Variants in DSCAM observed in about 807,000 individuals in gnomAD.
DSCAM encodes DS cell adhesion molecule.
DSCAM carries 47 observed loss-of-function variants against 217.7 expected under a neutral mutation model. That is an observed-to-expected ratio of 0.22 (90% CI 0.17 to 0.28). DSCAM has a LOEUF of 0.28. DSCAM is among the 10% of genes least tolerant of loss of function. DSCAM has a pLI of 1.00. For missense variants in DSCAM, 2,080 were observed against 2,618.3 expected (o/e 0.79, Z 4.49); for synonymous variants, 1,056 against 1,015.3 (o/e 1.04, Z -0.76).
At chr21:40,052,923 A>G (rs760409998) in intron 29 of DSCAM, among the ~76,000 whole-genome samples, 11 of 152,216 alleles carry the variant, frequency 7.2e-5, no homozygotes, top group Non-Finnish European at 1.5e-4. Flanking sequence ...CTACCTTGTG[A>G]TATGTTTCAT....
At chr21:40,357,659 A>C (rs2074709415) in intron 4 of DSCAM, among the ~76,000 whole-genome samples, 1 of 152,112 alleles carries the variant, frequency 6.6e-6, no homozygotes, top group Non-Finnish European at 1.5e-5. Context: ...TTTAATTAAG[A>C]AATGTGAGAA....
chr21:40,577,483 G>A (rs60986329), intron 3 of DSCAM, among the ~76,000 whole-genome samples: 4,109 of 152,194 alleles, frequency 0.027, 161 homozygotes, highest in African/African-American at 0.094. Flanking sequence ...CTGTCCTTCC[G>A]GGGGAGCCCG....
intron 1 of DSCAM, among the ~76,000 whole-genome samples, chr21:40,818,019 C>T (rs985595885): frequency 2.1e-5 from 3 of 141,558 alleles, no homozygotes; most frequent in South Asian, 2.3e-4. Flanking sequence ...TGGCGTGAAC[C>T]CGGGAGGCGG....
chr21:40,286,805 T>TGTG (rs1181400129), intron 10 of DSCAM, among the ~76,000 whole-genome samples: 1 of 141,314 alleles, frequency 7.1e-6, no homozygotes, highest in African/African-American at 2.8e-5. Context: ...GATCTGCAGG[T>TGTG]ATCTGCAGTG....
chr21:40,018,242 C>G (rs1221025255), intron 32 of DSCAM, among the ~76,000 whole-genome samples: 2 of 152,084 alleles, frequency 1.3e-5, no homozygotes, highest in African/African-American at 4.8e-5. Context: ...CCTTAATTGA[C>G]CAGTCTTGCG....
chr21:40,750,117 G>A (rs1488223745), intron 1 of DSCAM, among the ~76,000 whole-genome samples: 1 of 151,950 alleles, frequency 6.6e-6, no homozygotes, highest in Non-Finnish European at 1.5e-5. Context: ...TAGCAGAGAT[G>A]GAGTTTCACC....
intron 3 of DSCAM, among the ~76,000 whole-genome samples, chr21:40,588,141 A>G (rs550394746): frequency 7.2e-5 from 11 of 152,312 alleles, no homozygotes; most frequent in African/African-American, 2.6e-4. Context: ...GATTACAGCC[A>G]CAGACCTTGG....
intron 3 of DSCAM, among the ~76,000 whole-genome samples, chr21:40,687,564 C>T (rs1371524383): frequency 2.0e-5 from 3 of 152,198 alleles, no homozygotes; most frequent in Non-Finnish European, 2.9e-5. Flanking sequence ...CCCTCCCTCC[C>T]CACATGAGAA....
At chr21:40,029,900 C>T (rs1568898803) in intron 32 of DSCAM, among the ~76,000 whole-genome samples, 1 of 152,218 alleles carries the variant, frequency 6.6e-6, no homozygotes, top group Non-Finnish European at 1.5e-5. Context: ...CTCCTCTGTT[C>T]TGCACATCAC....
intron 27 of DSCAM, among the ~76,000 whole-genome samples, chr21:40,069,412 G>T (rs760117577): frequency 2.0e-4 from 31 of 152,210 alleles, no homozygotes; most frequent in Admixed American, 2.6e-4. Flanking sequence ...CAGCAAGGCA[G>T]AGCATGACAC....
chr21:40,467,151 A>G (rs75770501), intron 3 of DSCAM, among the ~76,000 whole-genome samples: 11,167 of 152,208 alleles, frequency 0.073, 782 homozygotes, highest in African/African-American at 0.18. Flanking sequence ...AAGACAATTA[A>G]GTGGACTTAT....
At chr21:40,120,952 G>A (rs1428007408) in intron 20 of DSCAM, among the ~76,000 whole-genome samples, 1 of 152,178 alleles carries the variant, frequency 6.6e-6, no homozygotes, top group Non-Finnish European at 1.5e-5. Flanking sequence ...TTGGGATCTT[G>A]AGAGAAAATG....
At chr21:40,766,407 A>C (rs1309626608) in intron 1 of DSCAM, among the ~76,000 whole-genome samples, 1 of 152,154 alleles carries the variant, frequency 6.6e-6, no homozygotes, top group Admixed American at 6.5e-5. Context: ...TCTTAAACCT[A>C]AGGGAAGATG....
At chr21:40,513,466 G>A (rs1303941485) in intron 3 of DSCAM, among the ~76,000 whole-genome samples, 1 of 152,158 alleles carries the variant, frequency 6.6e-6, no homozygotes, top group East Asian at 1.9e-4. Flanking sequence ...AAGAAGCATG[G>A]CACCAACATC....
At chr21:40,182,343 A>G (rs1328829855) in intron 14 of DSCAM, among the ~76,000 whole-genome samples, 2 of 152,042 alleles carry the variant, frequency 1.3e-5, no homozygotes, top group African/African-American at 4.8e-5. Flanking sequence ...GGGAAGACCA[A>G]GAGAGGAGAG....
At chr21:40,437,998 G>T (rs1213017652) in intron 3 of DSCAM, among the ~76,000 whole-genome samples, 1 of 152,310 alleles carries the variant, frequency 6.6e-6, no homozygotes, top group East Asian at 1.9e-4. Flanking sequence ...ACCCTGTATT[G>T]ACCTTGAAGC....
Position 40,124,112 on chromosome 21 carries a change from A to G in DSCAM, c.3696+83T>C. On this transcript the variant is annotated intron_variant, in intron 20 of 32. Coordinates refer to ENST00000400454, the MANE Select transcript of DSCAM (RefSeq NM_001389.5). The stretch of plus-strand genomic sequence containing the variant: ...GAAAGACCCAGGTAGGTGGGAAACA[A>G]AGGAACGAAACTGTCCAGTGCGAGC... 4.5e-6 allele frequency: 7 copies of G among 1,572,414 alleles called. No individual in the cohort carries two copies. The South Asian group carries it at 6.9e-5, about 16-fold the overall frequency.
At chr21:40,815,848 G>A (rs990502658) in intron 1 of DSCAM, among the ~76,000 whole-genome samples, 3 of 152,170 alleles carry the variant, frequency 2.0e-5, no homozygotes, top group Admixed American at 6.5e-5. Flanking sequence ...TCTGTAAAGG[G>A]GAGAGAGGAC....
intron 3 of DSCAM, among the ~76,000 whole-genome samples, chr21:40,418,086 G>A (rs879352959): frequency 1.3e-5 from 2 of 152,170 alleles, no homozygotes; most frequent in African/African-American, 4.8e-5. Flanking sequence ...TACGATAGGG[G>A]ATTAGAGGGG....
Sources: allele counts gnomAD v4.1 joint callset (sites outside exome capture counted in the v4.1 genomes callset), GRCh38; gene constraint gnomAD v4.1.1; transcripts MANE v1.5; gene names NCBI Gene and HGNC (gene_info 2026-07-23, HGNC 2026-07-21).